The following PLEKHG4B variants were observed in gnomAD, a reference collection of about 807,000 sequenced individuals.
PLEKHG4B encodes pleckstrin homology and RhoGEF domain containing G4B, also known as pleckstrin homology domain-containing family G member 4B.
In PLEKHG4B, 111 loss-of-function variants were observed where a neutral mutation model predicts 121.3. That is an observed-to-expected ratio of 0.92 (90% CI 0.78 to 1.07). The LOEUF is 1.07. PLEKHG4B is among the 50% of genes least tolerant of loss of function. PLEKHG4B has a pLI of 0.00. For missense variants in PLEKHG4B, 1,831 were observed against 1,757.8 expected (o/e 1.04, Z -0.74); for synonymous variants, 738 against 725.0 (o/e 1.02, Z -0.29).
chr5:174,422 G>A (rs1736688965), intron 18 of PLEKHG4B, among the ~76,000 whole-genome samples: 1 of 151,204 alleles, frequency 6.6e-6, no homozygotes, highest in South Asian at 2.1e-4. Flanking sequence ...TGAGTCCAGG[G>A]GCCGGGGGCC....
intron 7 of PLEKHG4B, among the ~76,000 whole-genome samples, chr5:154,500 G>A (rs1735704348): frequency 6.6e-6 from 1 of 152,088 alleles, no homozygotes; most frequent in Non-Finnish European, 1.5e-5. Flanking sequence ...CGGCTGCCAG[G>A]GCTTTCAGGA....
chr5:95,436 G>C (rs769131832), intron 1 of PLEKHG4B, among the ~76,000 whole-genome samples: 1 of 152,134 alleles, frequency 6.6e-6, no homozygotes, highest in Non-Finnish European at 1.5e-5. Context: ...CGGCCCTGGG[G>C]AGGGTCTGCA....
intron 1 of PLEKHG4B, among the ~76,000 whole-genome samples, chr5:92,488 G>A (rs113890567): frequency 1.5e-5 from 2 of 129,668 alleles, no homozygotes; most frequent in African/African-American, 3.0e-5. Context: ...GGGGCGCGGG[G>A]GTAGGGGCGG....
chr5:170,932 A>G, intron 14 of PLEKHG4B, 111 bp from the exon 15 acceptor site: 1 of 778,422 alleles, frequency 1.3e-6, no homozygotes. Context: ...TACAAACTGC[A>G]CCTGGGGGGT....
Position 163,500 on chromosome 5 carries a change from C to T in PLEKHG4B, c.3428C>T (p.Pro1143Leu). Residue 1143 changes from proline to leucine, a missense_variant, in exon 13 of 20, where the codon CCC becomes CTC. Physicochemically the swap from Pro to Leu is moderately conservative, Grantham distance 98. Transcript: ENST00000637938. ...ACTCAGAGCCGGAGTCTGTCCTCCC[C>T]CTCGGGGCTCCACCCTGCTGAGGAG... ...PVTQSRSLSS[P>L]SGLHPAEEDG... is the part of the protein sequence containing the mutation. 6.2e-7 allele frequency: 1 copy of T among 1,611,896 alleles called. No individual in the cohort carries two copies. Among genetic ancestry groups the T allele is most frequent in the Non-Finnish European group, 8.5e-7 (1 of 1,179,652 alleles).
chr5:122,152 A>G (rs1477143999), intron 2 of PLEKHG4B, among the ~76,000 whole-genome samples: 2 of 152,198 alleles, frequency 1.3e-5, no homozygotes, highest in Non-Finnish European at 2.9e-5. Flanking sequence ...AGCAAAAATA[A>G]CACAAAGAGA....
intron 9 of PLEKHG4B, 43 bp downstream of exon 9, chr5:155,486 G>A: frequency 2.7e-6 from 4 of 1,469,958 alleles, no homozygotes; most frequent in Non-Finnish European, 3.8e-6. Context: ...CATGTGACAG[G>A]TAGGTGGGGG....
Position 140,728 on chromosome 5 carries a change from C to T in PLEKHG4B, c.1477+12C>T, listed in dbSNP as rs768818388. ...CACCAAAGAGGAAGGTAAATGCTCC[C>T]CACGCCCTCCCCTGCGCACCCCCAC... On this transcript the variant is annotated intron_variant, in intron 3 of 19. Coordinates refer to ENST00000637938, the MANE Select transcript of PLEKHG4B (RefSeq NM_052909.5). 5.8e-6 allele frequency: 9 copies of T among 1,541,876 alleles called. No homozygotes were observed. The highest frequency in any genetic ancestry group is 1.2e-5 in the South Asian group (1 of 80,030).
intron 2 of PLEKHG4B, among the ~76,000 whole-genome samples, chr5:128,958 T>A (rs993809557): frequency 2.0e-5 from 3 of 152,114 alleles, no homozygotes; most frequent in African/African-American, 7.2e-5. Flanking sequence ...CCAGCATTAG[T>A]ATTAAAATAG....
intron 18 of PLEKHG4B, among the ~76,000 whole-genome samples, chr5:176,343 C>A (rs1177816370): frequency 6.6e-6 from 1 of 152,208 alleles, no homozygotes; most frequent in Non-Finnish European, 1.5e-5. Flanking sequence ...GTCGATCTGT[C>A]CATTTCAACC....
At chr5:154,184 T>G (rs1327822843) in intron 7 of PLEKHG4B, among the ~76,000 whole-genome samples, 1 of 151,804 alleles carries the variant, frequency 6.6e-6, no homozygotes, top group East Asian at 1.9e-4. Flanking sequence ...TTTTGCATTT[T>G]TAGTAGAGAC....
chr5:180,210 T>G (rs2059860), intron 18 of PLEKHG4B, among the ~76,000 whole-genome samples: 96,933 of 151,982 alleles, frequency 0.64, 31,642 homozygotes, highest in Non-Finnish European at 0.71. Flanking sequence ...TTATTTTTGT[T>G]GGAAGAGCAG....
chr5:112,825 C>T (rs1734195889), intron 1 of PLEKHG4B, among the ~76,000 whole-genome samples: 1 of 152,182 alleles, frequency 6.6e-6, no homozygotes, highest in Admixed American at 6.5e-5. Flanking sequence ...CTGTACAAAC[C>T]CAGGAGAGCC....
chr5:149,678 C>A (rs1275017856), intron 6 of PLEKHG4B, among the ~76,000 whole-genome samples: 1 of 152,088 alleles, frequency 6.6e-6, no homozygotes, highest in Non-Finnish European at 1.5e-5. Flanking sequence ...TCAACAACAA[C>A]AAAAACCAAA....
intron 2 of PLEKHG4B, among the ~76,000 whole-genome samples, chr5:125,340 T>C (rs1386476065): frequency 1.3e-5 from 2 of 152,204 alleles, no homozygotes; most frequent in Non-Finnish European, 2.9e-5. Context: ...CTTGTTTCCT[T>C]TTGTGTACAT....
chr5:121,218 G>C (rs1734458586), intron 2 of PLEKHG4B, among the ~76,000 whole-genome samples: 1 of 151,526 alleles, frequency 6.6e-6, no homozygotes, highest in Non-Finnish European at 1.5e-5. Flanking sequence ...CTGCACTCCA[G>C]CCTGGGTGAC....
chr5:120,027 G>T (rs753884622), intron 2 of PLEKHG4B, among the ~76,000 whole-genome samples: 1 of 152,102 alleles, frequency 6.6e-6, no homozygotes, highest in African/African-American at 2.4e-5. Context: ...GGGGAGAATC[G>T]CTTGAGCCCA....
chr5:118,813 A>G (rs1424404491), intron 2 of PLEKHG4B, among the ~76,000 whole-genome samples: 1 of 149,538 alleles, frequency 6.7e-6, no homozygotes, highest in African/African-American at 2.5e-5. Flanking sequence ...TATATATATG[A>G]TTAGAGGATA....
chr5:155,435 A>G lies in PLEKHG4B; in HGVS notation c.2200A>G (p.Thr734Ala). The G allele has an allele frequency of 6.2e-7, 1 of 1,613,716 alleles. No homozygotes were observed. Among genetic ancestry groups the G allele is most frequent in the Non-Finnish European group, 8.5e-7 (1 of 1,179,588 alleles). Reference sequence around the variant, plus strand: ...CCTGAACACCCACAGAACCCCAAGAACAGCCCAGGTGAGTCCTCAGACTTG... The same window carrying G: ...CCTGAACACCCACAGAACCCCAAGAGCAGCCCAGGTGAGTCCTCAGACTTG... ...CSLNTHRTPR[T>A]AQEVAELIDQ... Residue 734 changes from threonine (T) to alanine (A), a missense_variant, in exon 9 of 20, where the codon ACA becomes GCA. Coordinates refer to ENST00000637938, the MANE Select transcript of PLEKHG4B (RefSeq NM_052909.5).
Sources: allele counts gnomAD v4.1 joint callset (sites outside exome capture counted in the v4.1 genomes callset), GRCh38; gene constraint gnomAD v4.1.1; transcripts MANE v1.5; gene names NCBI Gene and HGNC (gene_info 2026-07-23, HGNC 2026-07-21).